LRRC37B: variants seen among roughly 807,000 people sequenced by gnomAD.
The protein encoded by LRRC37B is leucine-rich repeat-containing protein 37B.
Under a neutral mutation model 98.3 loss-of-function variants are expected in LRRC37B, and 28 were observed. The observed-to-expected ratio is 0.28, with a 90% CI of 0.21 to 0.39. The LOEUF (loss-of-function observed/expected upper bound fraction) is 0.39. LRRC37B is among the 10% of genes least tolerant of loss of function. The pLI, the probability that LRRC37B is intolerant of heterozygous loss-of-function variation, is 1.00. For missense variants in LRRC37B, 938 were observed against 1,182.7 expected (o/e 0.79, Z 3.03); for synonymous variants, 364 against 442.7 (o/e 0.82, Z 2.23).
At chr17:32,022,898 G>A (rs1910843631) in intron 1 of LRRC37B, 73 bp downstream of exon 4, 1 of 1,476,350 alleles carries the variant, frequency 6.8e-7, no homozygotes, top group South Asian at 1.1e-5. Flanking sequence ...AGGCCTTCCT[G>A]GGCCTTCTTT....
At chr17:32,020,659 C>A (rs141689663), upstream of LRRC37B, 2 of 345,422 alleles carry the variant, frequency 5.8e-6, no homozygotes, top group African/African-American at 4.3e-5. Context: ...CTGTAACGCG[C>A]GTCCTGCCTG....
chr17:32,052,280 G>A (rs886527459), intron 11 of LRRC37B: 1 of 151,258 alleles, frequency 6.6e-6, no homozygotes, highest in Non-Finnish European at 1.5e-5. Context: ...AAACTCCTGG[G>A]CTTAAGGGAT....
At chr17:32,032,706 A>T (rs2142249664) in intron 5 of LRRC37B, among the ~76,000 whole-genome samples, 1 of 152,300 alleles carries the variant, frequency 6.6e-6, no homozygotes, top group African/African-American at 2.4e-5. Context: ...TAATTTGCTG[A>T]TGCTTAACTT....
chr17:32,009,114 G>T (rs1334754624), intron 1 of LRRC37B, among the ~76,000 whole-genome samples: 2 of 147,804 alleles, frequency 1.4e-5, no homozygotes, highest in Non-Finnish European at 3.0e-5. Context: ...GTTTTTGTTG[G>T]TTTTTTTTTT....
At chr17:32,013,333 GTT>G (rs934949322) in intron 1 of LRRC37B, among the ~76,000 whole-genome samples, 1 of 151,612 alleles carries the variant, frequency 6.6e-6, no homozygotes, top group Non-Finnish European at 1.5e-5. Context: ...ATGGTTTCTT[GTT>G]TTTTTTATTT....
intron 1 of LRRC37B, among the ~76,000 whole-genome samples, chr17:32,023,786 A>G (rs1235548936): frequency 6.6e-6 from 1 of 152,218 alleles, no homozygotes; most frequent in African/African-American, 2.4e-5. Flanking sequence ...TTTTGTGTCA[A>G]ACCCAGGACC....
chr17:32,018,374 G>A (rs1447308496), upstream of LRRC37B, among the ~76,000 whole-genome samples: 2 of 152,204 alleles, frequency 1.3e-5, no homozygotes, highest in African/African-American at 4.8e-5. Flanking sequence ...CATAGCCAGT[G>A]TAACCATAAT....
At chr17:32,041,930 A>G (rs755752156) in intron 7 of LRRC37B, 12 of 424,286 alleles carry the variant, frequency 2.8e-5, no homozygotes, top group South Asian at 2.0e-4. Flanking sequence ...CTCGAGTTCC[A>G]CGGCCTTAAC....
intron 7 of LRRC37B, chr17:32,041,538 C>T (rs1408032067): frequency 3.9e-6 from 2 of 510,452 alleles, no homozygotes; most frequent in Non-Finnish European, 3.8e-6. Flanking sequence ...CTCACTGGTG[C>T]CCCCGCCCCG....
At chr17:32,039,200 C>T (rs1456501717) in intron 7 of LRRC37B, among the ~76,000 whole-genome samples, 1 of 151,476 alleles carries the variant, frequency 6.6e-6, no homozygotes, top group Non-Finnish European at 1.5e-5. Flanking sequence ...TGGTTTCGAA[C>T]TCCTGGCCTC....
chr17:32,034,378 T>G (rs1911184183), intron 5 of LRRC37B, among the ~76,000 whole-genome samples: 2 of 151,786 alleles, frequency 1.3e-5, no homozygotes, highest in Admixed American at 1.3e-4. Context: ...GGTGGGCAAC[T>G]GTAATCCCAG....
upstream of LRRC37B, among the ~76,000 whole-genome samples, chr17:32,018,579 G>A (rs1345840540): frequency 6.6e-6 from 1 of 152,082 alleles, no homozygotes; most frequent in Non-Finnish European, 1.5e-5. Context: ...ACAGGAGAGG[G>A]GTTAGTCTCC....
rs537849504 is a variant in LRRC37B, at chr17:32,040,761, G to T, written c.2205-4939G>T. 3.1e-4 allele frequency: 256 copies of T among 823,928 alleles called. 1 individual carries two copies. The South Asian group carries it at 3.2e-3, about 10-fold the overall frequency. 51.0% of individuals were successfully genotyped at this position (823,928 alleles called of 1,614,324 possible). A position where few individuals can be genotyped will look rare whatever the true frequency, so the allele number is the denominator to read the frequency against. On this transcript the variant is annotated intron_variant, in intron 7 of 11. Coordinates refer to ENST00000327564, the Ensembl canonical transcript of LRRC37B. ...GGGCAACGAGTCCAACTTCAGTGAC[G>T]CACTGCTGGATGCCGGCGAGTCCAT...
At chr17:32,049,900 G>A in intron 10 of LRRC37B, 103 bp from the exon 14 acceptor site, 1 of 637,940 alleles carries the variant, frequency 1.6e-6, no homozygotes, top group Non-Finnish European at 2.7e-6. Context: ...GAACCTGTAA[G>A]CTACTCAACT....
chr17:32,017,221 C>G (rs754268733), upstream of LRRC37B: 47 of 152,260 alleles, frequency 3.1e-4, no homozygotes, highest in Middle Eastern at 6.8e-3. Context: ...TTCAAATGTT[C>G]TCTCTCTCCG....
At chr17:32,035,095 G>C in intron 6 of LRRC37B, 114 bp downstream of exon 9, 1 of 781,912 alleles carries the variant, frequency 1.3e-6, no homozygotes, top group South Asian at 1.9e-5. Context: ...AATTTTAACT[G>C]AGTTATTGAA....
At chr17:32,035,748 C>G (rs1041251645) in intron 7 of LRRC37B, 109 bp downstream of exon 10, 11 of 1,180,606 alleles carry the variant, frequency 9.3e-6, no homozygotes, top group South Asian at 1.4e-5. Flanking sequence ...TAACATTCAC[C>G]CTTTATAAGT....
At chr17:32,050,005 C>A in exon 11 of LRRC37B, 1 of 1,414,700 alleles carries the variant, frequency 7.1e-7, no homozygotes, top group Non-Finnish European at 9.6e-7. Flanking sequence ...TTTTTTAGCT[C>A]ATGAAAGAAG....
chr17:32,030,660 T>G (rs1230175073), exon 4 of LRRC37B: 1 of 1,459,810 alleles, frequency 6.9e-7, no homozygotes, highest in Non-Finnish European at 9.3e-7. Context: ...TCCTAGAGAT[T>G]TATCCTGCAA....
Sources: allele counts gnomAD v4.1 joint callset (sites outside exome capture counted in the v4.1 genomes callset), GRCh38; gene constraint gnomAD v4.1.1; transcripts MANE v1.5; gene names NCBI Gene and HGNC (gene_info 2026-07-23, HGNC 2026-07-21).